The following SNAPC1 variants were observed in gnomAD, a reference collection of about 807,000 sequenced individuals.
The protein encoded by SNAPC1 is snRNA-activating protein complex subunit 1.
Under a neutral mutation model 50.1 loss-of-function variants are expected in SNAPC1, and 42 were observed. The observed-to-expected ratio is 0.84, with a 90% CI of 0.65 to 1.08. The LOEUF (loss-of-function observed/expected upper bound fraction) is 1.08, where lower values mean the gene tolerates loss of function less well. Among genes scored for constraint, SNAPC1 ranks in the 50% least tolerant of loss-of-function variants. The pLI is 0.00. For synonymous variants in SNAPC1, 164 were observed against 144.2 expected (o/e 1.14, Z -0.98); for missense variants, 477 against 427.3 (o/e 1.12, Z -1.02).
chr14:61,777,576 G>C (rs2045044080), intron 5 of SNAPC1, among the ~76,000 whole-genome samples: 1 of 151,174 alleles, frequency 6.6e-6, no homozygotes, highest in African/African-American at 2.4e-5. Context: ...ACAGGGTCTT[G>C]CTATGTTGCC....
chr14:61,783,756 T>C (rs1287479542), intron 8 of SNAPC1, among the ~76,000 whole-genome samples: 1 of 152,078 alleles, frequency 6.6e-6, no homozygotes, highest in African/African-American at 2.4e-5. Context: ...GCCAGGCTGG[T>C]CTTGAACTCC....
chr14:61,771,432 G>A (rs1316079005), intron 4 of SNAPC1, among the ~76,000 whole-genome samples: 1 of 152,164 alleles, frequency 6.6e-6, no homozygotes. Context: ...ACTGGGGTTA[G>A]AAATTTGTCA....
At position 61,767,296 on chromosome 14, in the gene SNAPC1, A is replaced by G; in HGVS notation, c.373A>G (p.Ile125Val). The G allele has an allele frequency of 1.3e-6, 2 of 1,528,100 alleles. No homozygotes were observed. Among genetic ancestry groups the G allele is most frequent in the Non-Finnish European group, 1.8e-6 (2 of 1,137,180 alleles). 94.7% of individuals were successfully genotyped at this position (1,528,100 alleles called of 1,614,324 possible). A position where few individuals can be genotyped will look rare whatever the true frequency, so the allele number is the denominator to read the frequency against. The change falls in exon 3 of 10, where the codon ATT becomes GTT. Residue 125 changes from isoleucine (I) to valine (V), a missense_variant. Ile to Val is a conservative substitution (Grantham distance 29, BLOSUM62 3). Coordinates refer to ENST00000216294, the MANE Select transcript of SNAPC1 (RefSeq NM_003082.4). ...TGCACAGCATTTTGATGCAGCTTATATTTTTAGGAAGCTACGACTAGACAG... is the reference window on the plus strand; with the variant it reads ...TGCACAGCATTTTGATGCAGCTTATGTTTTTAGGAAGCTACGACTAGACAG... ...VNAQHFDAAY[I>V]FRKLRLDRAF...
At chr14:61,782,937 A>G (rs1230102376) in intron 8 of SNAPC1, among the ~76,000 whole-genome samples, 2 of 152,028 alleles carry the variant, frequency 1.3e-5, no homozygotes, top group Non-Finnish European at 2.9e-5. Context: ...TTAGGCCTAT[A>G]CAGATTAAAT....
intron 1 of SNAPC1, among the ~76,000 whole-genome samples, chr14:61,763,234 G>T (rs1243783318): frequency 8.0e-6 from 1 of 124,860 alleles, no homozygotes; most frequent in African/African-American, 3.3e-5. Context: ...CTCGTGACCC[G>T]CCCGCCTCGG....
chr14:61,790,928 G>T (rs1466142937), intron 8 of SNAPC1, among the ~76,000 whole-genome samples: 1 of 152,174 alleles, frequency 6.6e-6, no homozygotes, highest in African/African-American at 2.4e-5. Context: ...TTAGCTTTGA[G>T]CATAGTAAAA....
intron 1 of SNAPC1, among the ~76,000 whole-genome samples, chr14:61,766,402 G>A (rs962008503): frequency 2.6e-5 from 4 of 152,184 alleles, no homozygotes; most frequent in African/African-American, 4.8e-5. Flanking sequence ...AAATGACCCT[G>A]TCTCCTTTGT....
intron 8 of SNAPC1, among the ~76,000 whole-genome samples, chr14:61,784,093 A>T (rs575554475): frequency 7.4e-5 from 11 of 149,326 alleles, no homozygotes; most frequent in African/African-American, 2.7e-4. Context: ...TATGTCCCAG[A>T]TATGATTAAG....
chr14:61,786,283 CA>C (rs76921729), intron 8 of SNAPC1, among the ~76,000 whole-genome samples: 53,089 of 150,666 alleles, frequency 0.35, 9,766 homozygotes, highest in African/African-American at 0.46. Flanking sequence ...AATCATGAAA[CA>C]AAAAAAAACT....
At chr14:61,780,585 C>A (rs2045064586) in intron 7 of SNAPC1, among the ~76,000 whole-genome samples, 1 of 152,036 alleles carries the variant, frequency 6.6e-6, no homozygotes, top group Non-Finnish European at 1.5e-5. Context: ...GAATATTAGA[C>A]CTTTATCGAA....
chr14:61,782,473 C>T (rs35450258), intron 8 of SNAPC1, 76 bp downstream of exon 8: 41,936 of 1,145,058 alleles, frequency 0.037, 944 homozygotes, highest in Non-Finnish European at 0.045. Flanking sequence ...ATGTTTATTT[C>T]CTTGTTAAGA....
chr14:61,783,011 C>T (rs985180996), intron 8 of SNAPC1, among the ~76,000 whole-genome samples: 8 of 148,190 alleles, frequency 5.4e-5, no homozygotes, highest in African/African-American at 1.5e-4. Flanking sequence ...TAGAATTTTC[C>T]AGTGCATTTT....
intron 8 of SNAPC1, 29 bp from the exon 9 acceptor site, chr14:61,792,778 A>G (rs1313129773): frequency 3.3e-6 from 4 of 1,226,710 alleles, no homozygotes; most frequent in East Asian, 2.5e-5. Context: ...CTTTGCTTTC[A>G]TATAAAATCA....
At chr14:61,782,155 C>T (rs1198632699) in intron 7 of SNAPC1, 92 bp from the exon 8 acceptor site, 13 of 1,001,818 alleles carry the variant, frequency 1.3e-5, no homozygotes, top group Admixed American at 2.7e-5. Flanking sequence ...TAAATCTTTC[C>T]TCATCTTTGA....
chr14:61,772,291 A>C (rs1470019091), intron 4 of SNAPC1, among the ~76,000 whole-genome samples: 1 of 151,850 alleles, frequency 6.6e-6, no homozygotes. Context: ...TCTGTGTCCC[A>C]GGCTGGAGTG....
intron 4 of SNAPC1, among the ~76,000 whole-genome samples, chr14:61,772,893 A>T (rs1208188291): frequency 3.3e-5 from 5 of 152,166 alleles, no homozygotes; most frequent in African/African-American, 1.2e-4. Context: ...TTAGGAATGG[A>T]ATAGTCTGTG....
At chr14:61,777,562 A>G (rs2045043981) in intron 5 of SNAPC1, among the ~76,000 whole-genome samples, 1 of 151,752 alleles carries the variant, frequency 6.6e-6, no homozygotes, top group Non-Finnish European at 1.5e-5. Context: ...TGTTTTTTGT[A>G]GAGACAGGGT....
chr14:61,765,081 T>TA (rs1232613491), intron 1 of SNAPC1, among the ~76,000 whole-genome samples: 3 of 152,256 alleles, frequency 2.0e-5, no homozygotes, highest in African/African-American at 4.8e-5. Flanking sequence ...TGGCATTTTT[T>TA]ATCTACTAAT....
chr14:61,784,304 T>C (rs1423325888), intron 8 of SNAPC1, among the ~76,000 whole-genome samples: 4 of 152,188 alleles, frequency 2.6e-5, no homozygotes, highest in Non-Finnish European at 5.9e-5. Context: ...AAAATAATCC[T>C]AGACACAAAA....
Sources: allele counts gnomAD v4.1 joint callset (sites outside exome capture counted in the v4.1 genomes callset), GRCh38; gene constraint gnomAD v4.1.1; transcripts MANE v1.5; gene names NCBI Gene and HGNC (gene_info 2026-07-23, HGNC 2026-07-21).